The following DNHD1 variants were observed in gnomAD, a reference collection of about 807,000 sequenced individuals.
DNHD1 encodes dynein heavy chain domain-containing protein 1.
A neutral mutation model predicts 458.1 loss-of-function variants in DNHD1; 383 were observed. The ratio of observed to expected loss-of-function variants is 0.84; its 90% CI spans 0.77 to 0.91. The LOEUF is 0.91. DNHD1 is among the 40% of genes least tolerant of loss of function. The pLI, the probability that DNHD1 is intolerant of heterozygous loss-of-function variation, is 0.00. For synonymous variants in DNHD1, 2,203 were observed against 2,376.9 expected (o/e 0.93, Z 2.13); for missense variants, 5,336 against 5,866.1 (o/e 0.91, Z 2.95).
rs757968739 is a variant in DNHD1, at chr11:6,529,056, C to T, written c.2282C>T (p.Pro761Leu). The T allele has an allele frequency of 8.4e-6, 13 of 1,550,740 alleles. No homozygotes were observed. Among genetic ancestry groups the T allele is most frequent in the Non-Finnish European group, 1.1e-5 (13 of 1,146,944 alleles). Residue 761 changes from proline to leucine, a missense_variant, in exon 12 of 43, where the codon CCT becomes CTT. Physicochemically the swap from Pro to Leu is moderately conservative, Grantham distance 98. This residue lies in a region of DNHD1 where 3,932 missense variants were observed against 4,365.6 expected (regional missense o/e 0.90). Transcript: ENST00000254579. ...NVWQARVSSM[P>L]IELLTKGGLL... is the part of the protein sequence containing the mutation. The stretch of plus-strand genomic sequence containing the variant: ...TGGCAGGCCCGTGTCTCCAGTATGC[C>T]TATCGAGTTGCTCACAAAAGGCGGG...
intron 24 of DNHD1, among the ~76,000 whole-genome samples, chr11:6,555,310 A>G (rs927792143): frequency 6.6e-6 from 1 of 152,072 alleles, no homozygotes; most frequent in Non-Finnish European, 1.5e-5. Flanking sequence ...CCGGCTCATT[A>G]TGCCCTCCTT....
chr11:6,568,881 C>A lies in DNHD1; in HGVS notation c.12863+15C>A. ...AGGGGGCGCTGGTGAGGGACCCCCA[C>A]CCATTCCTGCTCAGTCAATCACTCA... is the stretch of plus-strand genomic sequence containing the variant. On this transcript the variant is annotated intron_variant, in intron 39 of 42. Coordinates refer to ENST00000254579, the MANE Select transcript of DNHD1 (RefSeq NM_144666.3). 6.3e-7 allele frequency: 1 copy of A among 1,597,842 alleles called. No homozygotes were observed. Among genetic ancestry groups the A allele is most frequent in the Non-Finnish European group, 8.5e-7 (1 of 1,172,422 alleles).
intron 10 of DNHD1, among the ~76,000 whole-genome samples, chr11:6,527,107 G>T (rs1371599199): frequency 1.3e-5 from 2 of 152,116 alleles, no homozygotes; most frequent in Admixed American, 6.5e-5. Flanking sequence ...TTATCTAATT[G>T]TTCTGTCATT....
At chr11:6,530,615 C>A (rs1852807197) in intron 12 of DNHD1, among the ~76,000 whole-genome samples, 2 of 152,208 alleles carry the variant, frequency 1.3e-5, no homozygotes, top group Admixed American at 1.3e-4. Context: ...AGGTTAGAAG[C>A]CACTGGGGCC....
intron 24 of DNHD1, 55 bp from the exon 25 acceptor site, chr11:6,556,628 G>GA (rs1406445756): frequency 6.8e-7 from 1 of 1,461,624 alleles, no homozygotes; most frequent in Non-Finnish European, 9.2e-7. Flanking sequence ...GGAACAGGTT[G>GA]ATACTCTCAT....
At chr11:6,507,271 A>C (rs1173724771) in intron 4 of DNHD1, among the ~76,000 whole-genome samples, 2 of 152,218 alleles carry the variant, frequency 1.3e-5, no homozygotes, top group African/African-American at 4.8e-5. Flanking sequence ...CTGTATCCTC[A>C]GTGGCTTACA....
At chr11:6,534,532 C>T (rs1852900724) in intron 14 of DNHD1, among the ~76,000 whole-genome samples, 1 of 152,126 alleles carries the variant, frequency 6.6e-6, no homozygotes, top group Non-Finnish European at 1.5e-5. Context: ...AGTCCTACAC[C>T]AGGCAGCAGG....
In DNHD1 at chr11:6,497,956, G is replaced by T. The variant is rs916968346; in HGVS notation, c.-260G>T. 3.8e-6 allele frequency: 2 copies of T among 531,162 alleles called. No individual in the cohort carries two copies. The highest frequency in any genetic ancestry group is 3.8e-5 in the African/African-American group (2 of 52,572). 32.9% of individuals were successfully genotyped at this position (531,162 alleles called of 1,614,324 possible). On this transcript the variant is annotated 5_prime_UTR_variant, in exon 3 of 43. Coordinates refer to ENST00000254579, the MANE Select transcript of DNHD1 (RefSeq NM_144666.3). ...AGTCTTTGGGGAAGCAGTAGGGAGG[G>T]CCTGAGGGTCTCAGGAAAGGCTCTC...
intron 10 of DNHD1, chr11:6,520,996 TGTGTC>T: frequency 4.4e-6 from 2 of 449,460 alleles, no homozygotes; most frequent in Non-Finnish European, 5.9e-6. Context: ...GAAAGGAACC[TGTGTC>T]TTTTACAAAT....
chr11:6,518,234 G>A (rs1207141946), intron 7 of DNHD1, among the ~76,000 whole-genome samples: 1 of 152,058 alleles, frequency 6.6e-6, no homozygotes, highest in Non-Finnish European at 1.5e-5. Flanking sequence ...CTAATTTTTT[G>A]TATTTTTTGC....
In DNHD1 at chr11:6,563,691, A is replaced by G. The variant is rs1853629886; in HGVS notation, c.9853-2A>G. On this transcript the variant is annotated splice_acceptor_variant, in intron 30 of 42. Transcript: ENST00000254579. LOFTEE classifies it high-confidence loss of function. ...CCATCCCGTTAACATACATCCTTCC[A>G]GGAGCTGGTGTTCTTCCCCAAGGAG... 6.5e-7 allele frequency: 1 copy of G among 1,544,348 alleles called. No homozygotes were observed. Among genetic ancestry groups the G allele is most frequent in the African/African-American group, 1.4e-5 (1 of 72,936 alleles).
intron 3 of DNHD1, among the ~76,000 whole-genome samples, chr11:6,500,325 T>C (rs1375589965): frequency 6.6e-6 from 1 of 152,242 alleles, no homozygotes; most frequent in East Asian, 1.9e-4. Flanking sequence ...TTCTAGACAA[T>C]GCTTTGCAGC....
chr11:6,564,466 T>C lies in DNHD1; in HGVS notation c.10418T>C (p.Phe3473Ser), dbSNP rs1178650123. The C allele has an allele frequency of 2.6e-6, 4 of 1,551,666 alleles. No individual in the cohort carries two copies. The highest frequency in any genetic ancestry group is 3.5e-6 in the Non-Finnish European group (4 of 1,146,994). ...LDEWLALCRG[F>S]QEALGPDDVA... ...GAGTGGTTAGCTCTGTGTAGGGGCT[T>C]TCAGGAGGCTCTGGGCCCAGATGAT... is the stretch of plus-strand genomic sequence containing the variant. The change falls in exon 32 of 43, where the codon TTT (phenylalanine) becomes TCT (serine). Residue 3473 changes from phenylalanine (F) to serine (S), a missense_variant. Transcript: ENST00000254579.
intron 6 of DNHD1, 78 bp downstream of exon 6, chr11:6,509,350 A>C: frequency 7.7e-6 from 10 of 1,305,574 alleles, no homozygotes; most frequent in Non-Finnish European, 1.1e-5. Context: ...TTGTTGTAGA[A>C]AATCTGAAAG....
In DNHD1 at chr11:6,538,662, A is replaced by C; in HGVS notation, c.3177A>C (p.Ala1059=). ...QEKTEGWLTE[A]ARMSTTLELH... ...AGACAGAGGGCTGGCTGACAGAGGC[A>C]GCACGGATGAGCACAACCCTGGAGC... Residue 1059 remains alanine, a synonymous_variant, in exon 16 of 43, where the codon GCA becomes GCC. Transcript: ENST00000254579. 1 of 1,547,798 alleles carries C rather than the reference A, an allele frequency of 6.5e-7. No individual in the cohort carries two copies. The highest frequency in any genetic ancestry group is 8.7e-7 in the Non-Finnish European group (1 of 1,144,214).
chr11:6,545,019 C>G lies in DNHD1; in HGVS notation c.4080C>G (p.Phe1360Leu), dbSNP rs149570530. 1.4e-3 allele frequency: 2,190 copies of G among 1,551,868 alleles called. 27 individuals are homozygous for G. The African/African-American group carries it at 0.023, about 16-fold the overall frequency. The stretch of plus-strand genomic sequence containing the variant: ...TGTGTGCTCACTTCCCCCGCCTCTT[C>G]TTCCTTAGTGACAGTGAGCTGGTAG... ...YGVCAHFPRL[F>L]FLSDSELVAL... is the part of the protein sequence containing the mutation. The change falls in exon 21 of 43, where the codon TTC becomes TTG. Residue 1360 changes from phenylalanine to leucine, a missense_variant. This residue lies in a region of DNHD1 where 3,932 missense variants were observed against 4,365.6 expected (regional missense o/e 0.90). Coordinates refer to ENST00000254579, the MANE Select transcript of DNHD1 (RefSeq NM_144666.3). This position sits in a 1 kb window ranked among gnomAD's most constrained non-coding sequence, Gnocchi z 4.9.
Position 6,545,490 on chromosome 11 carries a change from GGT to G in DNHD1, c.4552_4553del (p.Val1518MetfsTer11). The G allele has an allele frequency of 6.4e-7, 1 of 1,551,724 alleles. No individual in the cohort carries two copies. ...WQCVLVAEEV[V>X]WRAEMEEALL... is the part of the protein sequence containing the mutation. The stretch of plus-strand genomic sequence containing the variant: ...AGTGTGTGCTGGTGGCAGAGGAGGT[GGT>G]ATGGCGGGCCGAGATGGAGGAGGCT... On this transcript the variant is annotated frameshift_variant, in exon 21 of 43. Coordinates refer to ENST00000254579, the MANE Select transcript of DNHD1 (RefSeq NM_144666.3). This position sits in a 1 kb window ranked among gnomAD's most constrained non-coding sequence, Gnocchi z 4.9.
chr11:6,544,099 A>T (rs1162094173), intron 18 of DNHD1, 22 bp from the exon 19 acceptor site: 2 of 1,548,536 alleles, frequency 1.3e-6, no homozygotes, highest in Non-Finnish European at 1.7e-6. Flanking sequence ...TCTGACTGCC[A>T]GTTCAGCTTT....
Position 6,501,556 on chromosome 11 carries a change from G to T in DNHD1, c.747-1197G>T, listed in dbSNP as rs182778417. ...TGTGGGGGAAGGCAACTGAAGTTGA[G>T]GGAATTGGCTAATGGCTGAAAACTT... On this transcript the variant is annotated intron_variant, in intron 3 of 42. Coordinates refer to ENST00000254579, the MANE Select transcript of DNHD1 (RefSeq NM_144666.3). Among the ~76,000 whole-genome samples the T allele has an allele frequency of 2.0e-3, 298 of 152,194 alleles. 1 individual carries two copies. Among genetic ancestry groups the T allele is most frequent in the Admixed American group, 4.6e-3 (71 of 15,290 alleles).
Sources: gnomAD v4.1 joint callset for allele counts (sites outside exome capture counted in the v4.1 genomes callset) on GRCh38, gnomAD v4.1.1 for gene constraint, gnomAD v4.1.1 regional missense constraint, Gnocchi (gnomAD v3.1) non-coding constraint, MANE v1.5 for transcripts, NCBI Gene and HGNC (gene_info 2026-07-23, HGNC 2026-07-21) for gene names.